Variants in NAPRT observed in about 807,000 individuals in gnomAD.
NAPRT encodes nicotinate phosphoribosyltransferase.
A neutral mutation model predicts 60.7 loss-of-function variants in NAPRT; 66 were observed. That is an observed-to-expected ratio of 1.09 (90% CI 0.89 to 1.33). The LOEUF is 1.33. Among genes scored for constraint, NAPRT ranks in the 40% most tolerant of loss-of-function variants. NAPRT has a pLI of 0.00. For synonymous variants in NAPRT, 405 were observed against 335.7 expected, an observed-to-expected ratio of 1.21 and a Z score of -2.26; for missense variants, 818 against 731.5, an observed-to-expected ratio of 1.12 and a Z score of -1.36.
At position 143,575,477 on chromosome 8, in the gene NAPRT, C is replaced by T. The variant is rs1010487789; in HGVS notation, c.1237G>A (p.Glu413Lys). Residue 413 changes from glutamate (E) to lysine (K), a missense_variant, in exon 10 of 13, where the codon GAG (glutamate) becomes AAG (lysine). Glu to Lys is a moderately conservative substitution (Grantham distance 56). Coordinates refer to ENST00000449291, the MANE Select transcript of NAPRT (RefSeq NM_145201.6). ...TTGCTCCCAGGCAACGTCTGCTTCT[C>T]GGGGTCCTCGGTCAGCTTCATTCGT... ...QPRMKLTEDP[E>K]KQTLPGSKAA... is the part of the protein sequence containing the mutation. The T allele has an allele frequency of 1.6e-5, 26 of 1,599,086 alleles. No individual in the cohort carries two copies. Among genetic ancestry groups the T allele is most frequent in the South Asian group, 2.2e-5 (2 of 90,866 alleles).
Position 143,575,240 on chromosome 8 carries a change from C to A in NAPRT, c.1397G>T (p.Arg466Met). The A allele has an allele frequency of 6.2e-7, 1 of 1,612,340 alleles. No homozygotes were observed. The highest frequency in any genetic ancestry group is 8.5e-7 in the Non-Finnish European group (1 of 1,179,884). Residue 466 changes from arginine (R) to methionine (M), a missense_variant, in exon 11 of 13, where the codon AGG (arginine) becomes ATG (methionine). Coordinates refer to ENST00000449291, the MANE Select transcript of NAPRT (RefSeq NM_145201.6). ...PPGAQEPCTV[R>M]PAQVEPLLRL... Reference sequence around the variant, plus strand: ...CAGTAGTGGCTCCACCTGGGCTGGCCTCACGGTGCAGGGCTCCTGGGCCCC... The same window carrying A: ...CAGTAGTGGCTCCACCTGGGCTGGCATCACGGTGCAGGGCTCCTGGGCCCC...
rs566718182 is a variant in NAPRT, at chr8:143,576,959, A to C, written c.684+103T>G. The stretch of plus-strand genomic sequence containing the variant: ...ATGCAGCCCGTGCCAGCTTCCTGGG[A>C]CAGCACTGGGGTGACCTGCCTGGGT... On this transcript the variant is annotated intron_variant, in intron 5 of 12. Coordinates refer to ENST00000449291, the MANE Select transcript of NAPRT (RefSeq NM_145201.6). 1.5e-4 allele frequency: 222 copies of C among 1,504,698 alleles called. 2 individuals are homozygous for C. In the South Asian group the frequency reaches 2.6e-3, roughly 17 times the overall value. 93.2% of individuals were successfully genotyped at this position (1,504,698 alleles called of 1,614,324 possible). A position where few individuals can be genotyped will look rare whatever the true frequency, so the allele number is the denominator to read the frequency against.
intron 3 of NAPRT, 47 bp from the exon 4 acceptor site, chr8:143,577,446 G>T (rs375059391): frequency 1.5e-4 from 239 of 1,570,860 alleles, no homozygotes; most frequent in Non-Finnish European, 1.0e-4. Context: ...GGATCACTAG[G>T]CCACCCAAGA....
intron 5 of NAPRT, 43 bp downstream of exon 5, chr8:143,577,019 G>GGCCTGT (rs763826464): frequency 6.3e-7 from 1 of 1,588,136 alleles, no homozygotes; most frequent in Non-Finnish European, 8.6e-7. Flanking sequence ...GCTGGCTTGG[G>GGCCTGT]GCCTGTCGCC....
In NAPRT at chr8:143,574,978, C is replaced by T. The variant is rs1469761672; in HGVS notation, c.1554+8G>A. 5.2e-6 allele frequency: 8 copies of T among 1,544,440 alleles called. No individual in the cohort carries two copies. The highest frequency in any genetic ancestry group is 2.0e-5 in the Admixed American group (1 of 50,558). ...AGGGCAGAATGACAGGGTGGGCCTC[C>T]CCCCAACCTGGTACTGTGCAGGGCT... On this transcript the variant is annotated splice_region_variant and intron_variant, in intron 12 of 12. Transcript: ENST00000449291.
At chr8:143,576,287 C>T (rs568590583) in intron 7 of NAPRT, 125 bp from the exon 8 acceptor site, 1 of 1,383,088 alleles carries the variant, frequency 7.2e-7, no homozygotes, top group African/African-American at 1.5e-5. Flanking sequence ...CTTGGGAGCT[C>T]CTAGGGAGCC....
rs74441292 is a variant in NAPRT at position 143,576,308 on chromosome 8, C to T, written c.1022+124G>A. ...AGCTCCTAGGGAGCCCCACCACTTA[C>T]TTCCCTGCCACGGCCTGCAGTATCA... On this transcript the variant is annotated intron_variant, in intron 7 of 12. Coordinates refer to ENST00000449291, the MANE Select transcript of NAPRT (RefSeq NM_145201.6). 3,856 of 1,437,016 alleles carry T rather than the reference C, an allele frequency of 2.7e-3. 83 individuals carry two copies. The African/African-American group carries it at 0.048, about 18-fold the overall frequency. The allele number at this position is 1,437,016 out of a possible 1,614,324, so 89.0% of individuals were successfully genotyped here.
chr8:143,572,965 T>C (rs1387516317), downstream of NAPRT: 1 of 477,022 alleles, frequency 2.1e-6, no homozygotes, highest in Non-Finnish European at 3.7e-6. Flanking sequence ...ACCAGGGCCC[T>C]GAGAACAGGA....
chr8:143,572,981 A>T, downstream of NAPRT: 3 of 460,934 alleles, frequency 6.5e-6, no homozygotes, highest in Non-Finnish European at 1.1e-5. Flanking sequence ...CAGGATCCCC[A>T]AGAGCTGGCA....
intron 8 of NAPRT, 41 bp downstream of exon 8, chr8:143,576,037 G>GC: frequency 6.7e-7 from 1 of 1,501,416 alleles, no homozygotes; most frequent in Middle Eastern, 1.8e-4. Context: ...GGCCCCCAGA[G>GC]CCCCCCAGCC....
chr8:143,572,938 G>C (rs1266297798), downstream of NAPRT: 3 of 527,434 alleles, frequency 5.7e-6, no homozygotes, highest in East Asian at 9.7e-5. Flanking sequence ...CTGAGTGCCT[G>C]TGGTGTGGCT....
In NAPRT at chr8:143,576,638, G is replaced by T; in HGVS notation, c.881+8C>A. The stretch of plus-strand genomic sequence containing the variant: ...TGCTGAGCCCACCCCTAAAGTGCCC[G>T]GGCTCACCTCCACACGCTGTAGGTG... On this transcript the variant is annotated splice_region_variant and intron_variant, in intron 6 of 12. Coordinates refer to ENST00000449291, the MANE Select transcript of NAPRT (RefSeq NM_145201.6). The T allele has an allele frequency of 6.2e-7, 1 of 1,606,214 alleles. No individual in the cohort carries two copies. The highest frequency in any genetic ancestry group is 2.2e-5 in the East Asian group (1 of 44,600).
At position 143,578,307 on chromosome 8, in the gene NAPRT, C is replaced by A; in HGVS notation, c.12G>T (p.Glu4Asp). MAA[E>D]QDPEARAAAR... is the part of the protein sequence containing the mutation. ...CCGCCGCGCGCGCCTCGGGGTCCTG[C>A]TCCGCCGCCATCCTGCTCCCGACGT... The change falls in exon 1 of 13, where the codon GAG becomes GAT. Residue 4 changes from glutamate to aspartate, a missense_variant. Glu to Asp is a conservative substitution (Grantham distance 45). Coordinates refer to ENST00000449291, the MANE Select transcript of NAPRT (RefSeq NM_145201.6). 2 of 1,378,892 alleles carry A rather than the reference C, an allele frequency of 1.5e-6. No individual in the cohort carries two copies. The highest frequency in any genetic ancestry group is 1.9e-6 in the Non-Finnish European group (2 of 1,075,182). The allele number at this position is 1,378,892 out of a possible 1,614,324, so 85.4% of individuals were successfully genotyped here. A position where few individuals can be genotyped will look rare whatever the true frequency, so the allele number is the denominator to read the frequency against.
Position 143,577,332 on chromosome 8 carries a change from C to A in NAPRT, c.505G>T (p.Gly169Cys), listed in dbSNP as rs1165185490. 6.2e-7 allele frequency: 1 copy of A among 1,605,726 alleles called. No homozygotes were observed. Among genetic ancestry groups the A allele is most frequent in the Non-Finnish European group, 8.5e-7 (1 of 1,177,272 alleles). ...TCGGGGCCCTGAGCCCGCCTCAGGC[C>A]CATCTCTAGCAGCCGCTTCTCTGGC... ...AGPEKRLLEM[G>C]LRRAQGPDGG... The change falls in exon 4 of 13, where the codon GGC (glycine) becomes TGC (cysteine). Residue 169 changes from glycine (G) to cysteine (C), a missense_variant. By Grantham distance (159) the Gly-to-Cys change is radical (BLOSUM62 -3). Transcript: ENST00000449291.
At chr8:143,577,431 G>A in intron 3 of NAPRT, 32 bp from the exon 4 acceptor site, 5 of 1,591,062 alleles carry the variant, frequency 3.1e-6, no homozygotes, top group South Asian at 1.1e-5. Context: ...GGGGTCCCAG[G>A]GTGAGGATCA....
rs761203852 is a variant in NAPRT at position 143,575,444 on chromosome 8, A to G, written c.1270T>C (p.Phe424Leu). 2.5e-6 allele frequency: 4 copies of G among 1,590,972 alleles called. No homozygotes were observed. Among genetic ancestry groups the G allele is most frequent in the Non-Finnish European group, 3.4e-6 (4 of 1,161,814 alleles). ...TCACCGTCAGAGCCCAGGAGCCGGA[A>G]AGCAGCCTTGCTCCCAGGCAACGTC... ...KQTLPGSKAAFRLLGSDGSPL... is the reference protein window; with the variant it reads ...KQTLPGSKAALRLLGSDGSPL... The change falls in exon 10 of 13, where the codon TTC becomes CTC. Residue 424 changes from phenylalanine (F) to leucine (L), a missense_variant. Transcript: ENST00000449291.
At position 143,577,693 on chromosome 8, in the gene NAPRT, A is replaced by G; in HGVS notation, c.401T>C (p.Leu134Pro). 6.5e-7 allele frequency: 1 copy of G among 1,542,750 alleles called. No homozygotes were observed. Residue 134 changes from leucine to proline, a missense_variant, in exon 3 of 13, where the codon CTG becomes CCG. Leu to Pro is a moderately conservative substitution (Grantham distance 98). Coordinates refer to ENST00000449291, the MANE Select transcript of NAPRT (RefSeq NM_145201.6). ...GACCAGGCAGAGCAGCGGTGTCTCCAGCAGCTGCACCACCAGGAGCGGCCC... is the reference window on the plus strand; with the variant it reads ...GACCAGGCAGAGCAGCGGTGTCTCCGGCAGCTGCACCACCAGGAGCGGCCC... ...VSGPLLVVQLLETPLLCLVSY... is the reference protein window; with the variant it reads ...VSGPLLVVQLPETPLLCLVSY...
In NAPRT at chr8:143,575,030, G is replaced by A; in HGVS notation, c.1510C>T (p.Leu504Phe). Reference sequence around the variant, plus strand: ...CGCAGCCGCCTGTGCTCAGGGCTGAGTCGGCTCAGGGACAGCTGGGCCAAG... The same window carrying A: ...CGCAGCCGCCTGTGCTCAGGGCTGAATCGGCTCAGGGACAGCTGGGCCAAG... ...RALAQLSLSRLSPEHRRLRSP... is the reference protein window; with the variant it reads ...RALAQLSLSRFSPEHRRLRSP... The change falls in exon 12 of 13, where the codon CTC (leucine) becomes TTC (phenylalanine). Residue 504 changes from leucine (L) to phenylalanine (F), a missense_variant. Physicochemically the swap from Leu to Phe is conservative, Grantham distance 22 (BLOSUM62 0). Transcript: ENST00000449291. The A allele has an allele frequency of 6.6e-7, 1 of 1,511,478 alleles. No homozygotes were observed. The highest frequency in any genetic ancestry group is 8.9e-7 in the Non-Finnish European group (1 of 1,125,194). The allele number at this position is 1,511,478 out of a possible 1,614,324, so 93.6% of individuals were successfully genotyped here. A position where few individuals can be genotyped will look rare whatever the true frequency, so the allele number is the denominator to read the frequency against.
rs1025814908 is a variant in NAPRT at position 143,576,363 on chromosome 8, G to A, written c.1022+69C>T. ...TGAAACTTCAGCAGAGTACCTCACT[G>A]TCCTTCCCTGCCCATTCCCAAACCC... On this transcript the variant is annotated intron_variant, in intron 7 of 12. Coordinates refer to ENST00000449291, the MANE Select transcript of NAPRT (RefSeq NM_145201.6). 1.5e-5 allele frequency: 23 copies of A among 1,543,042 alleles called. No individual in the cohort carries two copies. In the African/African-American group the frequency reaches 3.2e-4, roughly 21 times the overall value.
Sources: gnomAD v4.1 joint callset for allele counts on GRCh38, gnomAD v4.1.1 for gene constraint, MANE v1.5 for transcripts, NCBI Gene and HGNC (gene_info 2026-07-23, HGNC 2026-07-21) for gene names.